TBC1D5: variants seen among roughly 807,000 people sequenced by gnomAD.
TBC1D5 encodes TBC1 domain family, member 5.
A neutral mutation model predicts 100.3 loss-of-function variants in TBC1D5; 75 were observed. The observed-to-expected ratio is 0.75, with a 90% confidence interval of 0.62 to 0.91. The LOEUF is 0.91. Ranked by LOEUF, TBC1D5 falls within the 40% of genes least tolerant of loss-of-function variation. TBC1D5 has a pLI of 0.00. For missense variants in TBC1D5, 910 were observed against 942.4 expected, an observed-to-expected ratio of 0.97 and a Z score of 0.45; for synonymous variants, 323 against 325.6, an observed-to-expected ratio of 0.99 and a Z score of 0.09.
intron 15 of TBC1D5, among the ~76,000 whole-genome samples, chr3:17,281,636 T>G (rs2080611038): frequency 2.0e-5 from 3 of 152,346 alleles, no homozygotes; most frequent in African/African-American, 7.2e-5. Flanking sequence ...AAATATACTT[T>G]AAAATTCTCC....
At chr3:17,387,260 T>C (rs2093189727) in intron 8 of TBC1D5, among the ~76,000 whole-genome samples, 3 of 152,086 alleles carry the variant, frequency 2.0e-5, no homozygotes, top group Admixed American at 6.6e-5. Context: ...ACTCAGAGAT[T>C]AACAGGCAAG....
intron 15 of TBC1D5, among the ~76,000 whole-genome samples, chr3:17,284,211 A>G (rs283923): frequency 0.42 from 63,349 of 151,592 alleles, 13,950 homozygotes; most frequent in Middle Eastern, 0.5. Flanking sequence ...TCCACCTTCC[A>G]AGTTCAAGCG....
At chr3:17,453,069 A>G (rs2149748286) in intron 3 of TBC1D5, among the ~76,000 whole-genome samples, 1 of 149,062 alleles carries the variant, frequency 6.7e-6, no homozygotes, top group East Asian at 1.9e-4. Context: ...CCAGCAGGTC[A>G]ATGAAGAAAT....
At chr3:17,661,564 G>C (rs191518509) in intron 1 of TBC1D5, among the ~76,000 whole-genome samples, 2 of 148,636 alleles carry the variant, frequency 1.3e-5, no homozygotes, top group African/African-American at 2.5e-5. Flanking sequence ...GCAGTGGTAC[G>C]ATCTCAGCTC....
intron 2 of TBC1D5, among the ~76,000 whole-genome samples, chr3:17,545,014 T>C (rs73160940): frequency 0.069 from 10,435 of 152,188 alleles, 703 homozygotes; most frequent in African/African-American, 0.18. Flanking sequence ...TCTTGGCCTA[T>C]AAATAACATC....
intron 1 of TBC1D5, among the ~76,000 whole-genome samples, chr3:17,705,523 T>A (rs1286638265): frequency 1.4e-5 from 2 of 143,028 alleles, no homozygotes; most frequent in African/African-American, 2.6e-5. Context: ...GTCTCCTCAC[T>A]TCTCAGACGG....
At chr3:17,241,786 G>A (rs2167118) in intron 16 of TBC1D5, among the ~76,000 whole-genome samples, 62,150 of 151,924 alleles carry the variant, frequency 0.41, 13,419 homozygotes, top group Middle Eastern at 0.5. Flanking sequence ...CTCAATTTCT[G>A]TGTTGTGTTA....
chr3:17,609,330 G>A (rs796700478), intron 2 of TBC1D5, among the ~76,000 whole-genome samples: 5 of 152,196 alleles, frequency 3.3e-5, no homozygotes, highest in Admixed American at 1.3e-4. Flanking sequence ...TACAACTCCT[G>A]CCCTTTTAGA....
chr3:17,572,496 T>C (rs979654309), intron 2 of TBC1D5, among the ~76,000 whole-genome samples: 5 of 152,050 alleles, frequency 3.3e-5, no homozygotes, highest in African/African-American at 1.2e-4. Context: ...ACGTCTCTCC[T>C]AAATCAAGAA....
intron 4 of TBC1D5, among the ~76,000 whole-genome samples, chr3:17,426,894 T>C (rs761028326): frequency 2.8e-4 from 43 of 152,066 alleles, no homozygotes; most frequent in Non-Finnish European, 5.4e-4. Flanking sequence ...TTTTTTTGTC[T>C]TGTTTATGTT....
chr3:17,269,895 C>T (rs910943781), intron 15 of TBC1D5, among the ~76,000 whole-genome samples: 1 of 152,090 alleles, frequency 6.6e-6, no homozygotes, highest in South Asian at 2.1e-4. Flanking sequence ...CAATCCACCA[C>T]TGATGGGCTC....
chr3:17,595,324 G>A (rs1024267973), intron 2 of TBC1D5, among the ~76,000 whole-genome samples: 2 of 152,110 alleles, frequency 1.3e-5, no homozygotes, highest in African/African-American at 2.4e-5. Context: ...CAGGATATGG[G>A]TAGTTTAATA....
chr3:17,372,970 T>C (rs937238180), intron 12 of TBC1D5, among the ~76,000 whole-genome samples: 1 of 152,164 alleles, frequency 6.6e-6, no homozygotes, highest in African/African-American at 2.4e-5. Context: ...ATACAGTCTG[T>C]GCTGCAACTC....
chr3:17,512,012 T>TA (rs2153233799), intron 2 of TBC1D5, among the ~76,000 whole-genome samples: 1 of 152,174 alleles, frequency 6.6e-6, no homozygotes, highest in African/African-American at 2.4e-5. Flanking sequence ...TCATTTTTTT[T>TA]ATCGTTTTGT....
intron 2 of TBC1D5, among the ~76,000 whole-genome samples, chr3:17,590,062 C>A (rs992542814): frequency 5.9e-5 from 9 of 152,196 alleles, no homozygotes; most frequent in Admixed American, 1.3e-4. Context: ...CCCACTCCCC[C>A]CTACAACATT....
At chr3:17,684,106 G>C (rs1292665365) in intron 1 of TBC1D5, among the ~76,000 whole-genome samples, 1 of 150,796 alleles carries the variant, frequency 6.6e-6, no homozygotes, top group Non-Finnish European at 1.5e-5. Flanking sequence ...TTTTTCAAAA[G>C]AAGACCACAT....
At chr3:17,616,308 T>C (rs2062148155) in intron 2 of TBC1D5, among the ~76,000 whole-genome samples, 1 of 152,202 alleles carries the variant, frequency 6.6e-6, no homozygotes, top group Non-Finnish European at 1.5e-5. Context: ...TTACTTCCAA[T>C]TATGTGGTCA....
chr3:17,303,208 G>A lies in TBC1D5; in HGVS notation c.1138+4784C>T, dbSNP rs1258321656. Among the ~76,000 whole-genome samples, 5 of 152,312 alleles carry A rather than the reference G, an allele frequency of 3.3e-5. No homozygotes were observed. The East Asian group carries it at 9.6e-4, about 29-fold the overall frequency. Reference sequence around the variant, plus strand: ...GTCACTGCTGCCTCTGCAACCTCCAGATGTGAGGTGGAGGACCACCTTGCT... The same window carrying A: ...GTCACTGCTGCCTCTGCAACCTCCAAATGTGAGGTGGAGGACCACCTTGCT... On this transcript the variant is annotated intron_variant, in intron 14 of 21. Coordinates refer to ENST00000253692, the Ensembl canonical transcript of TBC1D5.
At chr3:17,546,592 C>A (rs1252014910) in intron 2 of TBC1D5, among the ~76,000 whole-genome samples, 7 of 151,098 alleles carry the variant, frequency 4.6e-5, no homozygotes, top group African/African-American at 1.7e-4. Context: ...GGTGAGACCC[C>A]GTCTCTACTA....
Sources: allele counts gnomAD v4.1 joint callset (sites outside exome capture counted in the v4.1 genomes callset), GRCh38; gene constraint gnomAD v4.1.1; transcripts MANE v1.5; gene names NCBI Gene and HGNC (gene_info 2026-07-23, HGNC 2026-07-21).